MTO1: variants seen among roughly 807,000 people sequenced by gnomAD.
MTO1 encodes 5-taurinomethyluridine-[tRNA] synthase subunit MTO1, mitochondrial.
In MTO1, 46 loss-of-function variants were observed where a neutral mutation model predicts 71.6. That is an observed-to-expected ratio of 0.64 (90% CI 0.51 to 0.82). The LOEUF is 0.82. MTO1 is among the 40% of genes least tolerant of loss of function. The pLI, the probability that MTO1 is intolerant of heterozygous loss-of-function variation, is 0.00. For missense variants in MTO1, 773 were observed against 867.5 expected, an observed-to-expected ratio of 0.89 and a Z score of 1.37; for synonymous variants, 297 against 312.1, an observed-to-expected ratio of 0.95 and a Z score of 0.51.
intron 6 of MTO1, chr6:73,480,360 C>T (rs1257668232): frequency 3.0e-6 from 2 of 675,608 alleles, no homozygotes; most frequent in African/African-American, 3.5e-5. Context: ...ACAACCTCCC[C>T]CTGCCAGGTT....
chr6:73,482,234 C>T lies in MTO1; in HGVS notation c.1455C>T (p.Leu485=). Residue 485 remains leucine (L), a synonymous_variant, in exon 8 of 12, where the codon CTC becomes CTT. Transcript: ENST00000498286. ...SLRPDNADSR[L]TLRGYKDAGC... is the part of the protein sequence containing the mutation. ...GCCCTGATAATGCTGACAGCCGGCT[C>T]ACACTGCGAGGTAACTCTTTCCTGA... 8.1e-6 allele frequency: 13 copies of T among 1,614,072 alleles called. No individual in the cohort carries two copies. Among genetic ancestry groups the T allele is most frequent in the Non-Finnish European group, 1.1e-5 (13 of 1,180,008 alleles).
intron 1 of MTO1, among the ~76,000 whole-genome samples, chr6:73,465,171 CT>C (rs926517154): frequency 1.7e-3 from 241 of 145,848 alleles, no homozygotes; most frequent in African/African-American, 4.2e-3. Flanking sequence ...TTTTTCTTTT[CT>C]TTTTTTTTTT....
At chr6:73,498,013 C>T in intron 11 of MTO1, 117 bp downstream of exon 11, 2 of 935,288 alleles carry the variant, frequency 2.1e-6, no homozygotes, top group Non-Finnish European at 1.5e-6. Flanking sequence ...TAATAAGAAA[C>T]TTCCAGCATG....
At chr6:73,493,364 G>GTA (rs1771881322) in intron 10 of MTO1, among the ~76,000 whole-genome samples, 1 of 149,766 alleles carries the variant, frequency 6.7e-6, no homozygotes, top group Non-Finnish European at 1.5e-5. Flanking sequence ...ATGTGTGTGT[G>GTA]TGTGTGTGTG....
chr6:73,493,193 A>G, intron 10 of MTO1, among the ~76,000 whole-genome samples: 1 of 151,246 alleles, frequency 6.6e-6, no homozygotes, highest in Non-Finnish European at 1.5e-5. Context: ...ACGGGGTTTC[A>G]CCATGTTGGC....
intron 6 of MTO1, 56 bp downstream of exon 6, chr6:73,480,182 G>A: frequency 6.5e-7 from 1 of 1,537,672 alleles, no homozygotes; most frequent in Non-Finnish European, 9.0e-7. Flanking sequence ...TTAATGGTCA[G>A]TGAGGAGGCC....
chr6:73,471,339 T>C (rs1392301938), intron 3 of MTO1: 7 of 373,156 alleles, frequency 1.9e-5, no homozygotes, highest in Non-Finnish European at 3.6e-5. Context: ...TTTCCTTTTC[T>C]CCCCCGACTT....
intron 4 of MTO1, among the ~76,000 whole-genome samples, chr6:73,474,955 A>G (rs1771268588): frequency 6.6e-6 from 1 of 151,860 alleles, no homozygotes; most frequent in Non-Finnish European, 1.5e-5. Context: ...GTGTTTTGCC[A>G]TGTTGGCCGG....
chr6:73,465,435 A>T (rs1561938783), intron 1 of MTO1, among the ~76,000 whole-genome samples: 1 of 151,976 alleles, frequency 6.6e-6, no homozygotes, highest in Non-Finnish European at 1.5e-5. Context: ...AAGTGCTAGG[A>T]TTACAGGCGT....
At chr6:73,493,757 GT>G (rs935419767) in intron 10 of MTO1, among the ~76,000 whole-genome samples, 1 of 151,742 alleles carries the variant, frequency 6.6e-6, no homozygotes, top group Non-Finnish European at 1.5e-5. Flanking sequence ...CCCACCTAAT[GT>G]TTTAATAATG....
intron 1 of MTO1, among the ~76,000 whole-genome samples, chr6:73,465,650 AACC>A (rs1405928625): frequency 6.6e-6 from 1 of 152,044 alleles, no homozygotes; most frequent in African/African-American, 2.4e-5. Context: ...AGGAAAAGGC[AACC>A]TAGTGAAACA....
intron 11 of MTO1, among the ~76,000 whole-genome samples, chr6:73,499,343 T>C (rs901189968): frequency 6.6e-6 from 1 of 151,806 alleles, no homozygotes; most frequent in Non-Finnish European, 1.5e-5. Context: ...CACTCGCCAA[T>C]TGTGGTTATT....
intron 3 of MTO1, among the ~76,000 whole-genome samples, chr6:73,468,399 A>G (rs1276634927): frequency 1.3e-5 from 2 of 152,000 alleles, no homozygotes; most frequent in Admixed American, 1.3e-4. Flanking sequence ...GATTACAGGC[A>G]TGAGCACTGT....
intron 7 of MTO1, among the ~76,000 whole-genome samples, chr6:73,481,378 A>AT (rs1425991974): frequency 6.6e-6 from 1 of 152,142 alleles, no homozygotes; most frequent in African/African-American, 2.4e-5. Flanking sequence ...TTCATTAGAA[A>AT]TTATTATATT....
chr6:73,461,890 G>C lies in MTO1; in HGVS notation c.36G>C (p.Ala12=), dbSNP rs1306630969. ...FYFRGCGRWV[A]VSFTKQQFPL... is the part of the protein sequence containing the mutation. ...TCCGAGGCTGTGGCCGTTGGGTCGC[G>C]GTTTCCTTCACCAAGCAGCAATTTC... The change falls in exon 1 of 12, where the codon GCG becomes GCC. Residue 12 remains alanine (A), a synonymous_variant. Coordinates refer to ENST00000498286, the MANE Select transcript of MTO1 (RefSeq NM_012123.4). 1 of 1,613,914 alleles carries C rather than the reference G, an allele frequency of 6.2e-7. No homozygotes were observed. The highest frequency in any genetic ancestry group is 8.5e-7 in the Non-Finnish European group (1 of 1,179,864).
At chr6:73,477,509 C>CT (rs766276407) in intron 4 of MTO1, among the ~76,000 whole-genome samples, 7,421 of 134,760 alleles carry the variant, frequency 0.055, 368 homozygotes, top group African/African-American at 0.13. Flanking sequence ...TCCAAAGCAG[C>CT]TTTTTTTTTT....
At position 73,479,843 on chromosome 6, in the gene MTO1, C is replaced by T. The variant is rs1771434910; in HGVS notation, c.937C>T (p.Arg313Ter). ...TGTTAAAGAAACGACAAGAGGACCT[C>T]GGTAAGGACAAAATGTCAGTGCTCA... is the stretch of plus-strand genomic sequence containing the variant. ...SHVKETTRGP[R>*]YCPSIESKVL... Residue 313 changes from arginine to a stop codon, truncating the protein, a stop_gained and splice_region_variant, in exon 5 of 12, where the codon CGA (arginine) becomes TGA (stop). Transcript: ENST00000498286. LOFTEE classifies it high-confidence loss of function. The T allele has an allele frequency of 2.5e-6, 4 of 1,609,856 alleles. No individual in the cohort carries two copies. The highest frequency in any genetic ancestry group is 1.7e-5 in the Admixed American group (1 of 59,822).
intron 9 of MTO1, among the ~76,000 whole-genome samples, chr6:73,483,783 TA>T (rs369185524): frequency 3.6e-5 from 5 of 137,376 alleles, no homozygotes; most frequent in Non-Finnish European, 7.8e-5. Flanking sequence ...CACACCTGGC[TA>T]TTTTTTTTTT....
At position 73,482,106 on chromosome 6, in the gene MTO1, A is replaced by T. The variant is rs1433017148; in HGVS notation, c.1327A>T (p.Thr443Ser). Residue 443 changes from threonine to serine, a missense_variant, in exon 8 of 12, where the codon ACA becomes TCA. Physicochemically the swap from Thr to Ser is moderately conservative, Grantham distance 58. Coordinates refer to ENST00000498286, the MANE Select transcript of MTO1 (RefSeq NM_012123.4). ...SRKPPFVVSRTEGYIGVLIDD... is the reference protein window; with the variant it reads ...SRKPPFVVSRSEGYIGVLIDD... The stretch of plus-strand genomic sequence containing the variant: ...CAAGCCTCCCTTTGTGGTTAGCCGA[A>T]CAGAAGGTTACATAGGAGTCTTGAT... 2 of 1,614,080 alleles carry T rather than the reference A, an allele frequency of 1.2e-6. No homozygotes were observed. The highest frequency in any genetic ancestry group is 2.7e-5 in the African/African-American group (2 of 74,926).
Sources: gnomAD v4.1 joint callset for allele counts (sites outside exome capture counted in the v4.1 genomes callset) on GRCh38, gnomAD v4.1.1 for gene constraint, MANE v1.5 for transcripts, NCBI Gene and HGNC (gene_info 2026-07-23, HGNC 2026-07-21) for gene names.